Variants in PIP4K2A observed in about 807,000 individuals in gnomAD.
PIP4K2A encodes phosphatidylinositol 5-phosphate 4-kinase type-2 alpha.
A neutral mutation model predicts 42.9 loss-of-function variants in PIP4K2A; 14 were observed. The observed-to-expected ratio is 0.33, with a 90% confidence interval of 0.22 to 0.51. The LOEUF is 0.51. PIP4K2A is among the 20% of genes least tolerant of loss of function. The probability of loss-of-function intolerance (pLI) is 0.97; values close to 1 mark genes in which losing one functional copy is unlikely to be tolerated. For synonymous variants in PIP4K2A, 192 were observed against 192.2 expected (o/e 1.00, Z 0.01); for missense variants, 434 against 519.8 (o/e 0.83, Z 1.61).
intron 6 of PIP4K2A, among the ~76,000 whole-genome samples, chr10:22,555,754 A>C (rs2130769565): frequency 6.6e-6 from 1 of 150,572 alleles, no homozygotes; most frequent in African/African-American, 2.5e-5. Context: ...TGATACCTGG[A>C]TAATTAAAAA....
At chr10:22,713,958 G>T in intron 1 of PIP4K2A, 1 of 409,916 alleles carries the variant, frequency 2.4e-6, no homozygotes, top group Non-Finnish European at 4.4e-6. Context: ...CCCCCGACCC[G>T]CACCGGGCCA....
At chr10:22,686,759 C>T (rs979868548) in intron 1 of PIP4K2A, among the ~76,000 whole-genome samples, 8 of 152,128 alleles carry the variant, frequency 5.3e-5, no homozygotes, top group Admixed American at 3.3e-4. Context: ...TGTGAGCCAC[C>T]GTGCCCAGCC....
chr10:22,644,208 A>G (rs1278892522), intron 1 of PIP4K2A, among the ~76,000 whole-genome samples: 3 of 152,136 alleles, frequency 2.0e-5, no homozygotes, highest in East Asian at 3.9e-4. Flanking sequence ...CTTGGGCCCA[A>G]ACTCCCGGAG....
At chr10:22,585,335 C>T (rs1160692401) in intron 4 of PIP4K2A, among the ~76,000 whole-genome samples, 1 of 151,990 alleles carries the variant, frequency 6.6e-6, no homozygotes, top group Non-Finnish European at 1.5e-5. Flanking sequence ...GATTTTGGGG[C>T]AAAACTTCTG....
At chr10:22,590,896 A>G (rs1837495183) in intron 4 of PIP4K2A, among the ~76,000 whole-genome samples, 1 of 152,200 alleles carries the variant, frequency 6.6e-6, no homozygotes. Flanking sequence ...CAGAAGTCAC[A>G]TGCTTAGTAA....
intron 2 of PIP4K2A, among the ~76,000 whole-genome samples, chr10:22,608,562 C>T (rs569402197): frequency 6.6e-6 from 1 of 152,082 alleles, no homozygotes; most frequent in Non-Finnish European, 1.5e-5. Context: ...GACAATGGCC[C>T]CCTGAAGAAA....
At chr10:22,669,352 G>A (rs1209529809) in intron 1 of PIP4K2A, among the ~76,000 whole-genome samples, 2 of 152,130 alleles carry the variant, frequency 1.3e-5, no homozygotes, top group African/African-American at 2.4e-5. Context: ...ACACCACCTA[G>A]GGTCATGTGA....
chr10:22,675,050 T>C (rs1015424550), intron 1 of PIP4K2A, among the ~76,000 whole-genome samples: 2 of 152,134 alleles, frequency 1.3e-5, no homozygotes, highest in African/African-American at 2.4e-5. Context: ...CAAAGAGAAC[T>C]TACTTTATTG....
chr10:22,706,474 G>A (rs1012592136), intron 1 of PIP4K2A, among the ~76,000 whole-genome samples: 8 of 152,208 alleles, frequency 5.3e-5, no homozygotes, highest in African/African-American at 1.9e-4. Flanking sequence ...ACTGCCTCAT[G>A]TCTAAGCCCT....
chr10:22,630,172 T>C (rs1387646099), intron 1 of PIP4K2A, among the ~76,000 whole-genome samples: 1 of 131,998 alleles, frequency 7.6e-6, no homozygotes, highest in Non-Finnish European at 1.6e-5. Flanking sequence ...ACTTCATGAC[T>C]ACAAAAAAAA....
chr10:22,639,185 G>A (rs1297189232), intron 1 of PIP4K2A, among the ~76,000 whole-genome samples: 2 of 152,050 alleles, frequency 1.3e-5, no homozygotes, highest in Non-Finnish European at 2.9e-5. Flanking sequence ...ACATCAATTA[G>A]CCAATAAAAT....
Position 22,627,591 on chromosome 10 carries a change from T to TAAAAAAAAAAAAAAAAAAAAAAA in PIP4K2A, c.145-17897_145-17875dup, listed in dbSNP as rs57671642. 1.5e-3 allele frequency among the ~76,000 whole-genome samples: 84 copies of TAAAAAAAAAAAAAAAAAAAAAAA among 57,024 alleles called. 7 individuals are homozygous for TAAAAAAAAAAAAAAAAAAAAAAA. The highest frequency in any genetic ancestry group is 2.9e-3 in the East Asian group (3 of 1,040). The allele number at this position is 57,024 out of a possible 152,430, so 37.4% of individuals were successfully genotyped here. A position where few individuals can be genotyped will look rare whatever the true frequency, so the allele number is the denominator to read the frequency against. On this transcript the variant is annotated intron_variant, in intron 1 of 9. Coordinates refer to ENST00000376573, the MANE Select transcript of PIP4K2A (RefSeq NM_005028.5). ...TGTTTAACCAAAAGCTAATATGTAA[T>TAAAAAAAAAAAAAAAAAAAAAAA]AAAAAAAAAAAAAAAAAAAAAAAAA...
chr10:22,592,734 T>C (rs1837541359), intron 3 of PIP4K2A, among the ~76,000 whole-genome samples: 2 of 152,178 alleles, frequency 1.3e-5, no homozygotes, highest in South Asian at 4.1e-4. Flanking sequence ...CTCTTGACAA[T>C]GGCCGTCCAG....
At chr10:22,700,317 T>G (rs1833690595) in intron 1 of PIP4K2A, among the ~76,000 whole-genome samples, 2 of 152,236 alleles carry the variant, frequency 1.3e-5, no homozygotes, top group Non-Finnish European at 1.5e-5. Flanking sequence ...GAAGCATGTA[T>G]GTAGCAGCAG....
At chr10:22,562,473 C>A (rs994256025) in intron 6 of PIP4K2A, among the ~76,000 whole-genome samples, 1 of 152,132 alleles carries the variant, frequency 6.6e-6, no homozygotes, top group Admixed American at 6.5e-5. Flanking sequence ...GGCATGAACC[C>A]AGGAGGCGGA....
At chr10:22,549,914 ATTT>A (rs1311618445) in intron 7 of PIP4K2A, among the ~76,000 whole-genome samples, 273 of 150,904 alleles carry the variant, frequency 1.8e-3, no homozygotes, top group Admixed American at 0.014. Flanking sequence ...TTTTTCCTGG[ATTT>A]ATAAAAGACT....
intron 1 of PIP4K2A, among the ~76,000 whole-genome samples, chr10:22,676,749 G>C (rs559925092): frequency 7.2e-5 from 11 of 152,302 alleles, no homozygotes; most frequent in African/African-American, 2.6e-4. Flanking sequence ...TGAGGATACA[G>C]AGCTGAATGA....
chr10:22,627,452 C>T (rs1033869184), intron 1 of PIP4K2A, among the ~76,000 whole-genome samples: 4 of 151,800 alleles, frequency 2.6e-5, no homozygotes, highest in African/African-American at 2.4e-5. Context: ...TCTTAAATAG[C>T]GTATTAGTTT....
At position 22,536,419 on chromosome 10, in the gene PIP4K2A, A is replaced by T; in HGVS notation, c.*782T>A. ...CTGGACATATTGGCCGAGGTGAAAA[A>T]TGTATAGAGAATCACTGGGGCATCA... is the stretch of plus-strand genomic sequence containing the variant. On this transcript the variant is annotated 3_prime_UTR_variant, in exon 10 of 10. Transcript: ENST00000376573. The T allele has an allele frequency of 3.9e-6, 1 of 257,326 alleles. No individual in the cohort carries two copies. The highest frequency in any genetic ancestry group is 7.3e-6 in the Non-Finnish European group (1 of 136,608). The allele number at this position is 257,326 out of a possible 1,614,324, so 15.9% of individuals were successfully genotyped here. A position where few individuals can be genotyped will look rare whatever the true frequency, so the allele number is the denominator to read the frequency against.
Sources: gnomAD v4.1 joint callset for allele counts (sites outside exome capture counted in the v4.1 genomes callset) on GRCh38, gnomAD v4.1.1 for gene constraint, MANE v1.5 for transcripts, NCBI Gene and HGNC (gene_info 2026-07-23, HGNC 2026-07-21) for gene names.